FER: variants seen among roughly 807,000 people sequenced by gnomAD.
The protein encoded by FER is tyrosine-protein kinase Fer.
A neutral mutation model predicts 111.0 loss-of-function variants in FER; 63 were observed. The ratio of observed to expected loss-of-function variants is 0.57; its 90% CI spans 0.46 to 0.70. The LOEUF is 0.70. Among genes scored for constraint, FER ranks in the 30% least tolerant of loss-of-function variants. The pLI, the probability that FER is intolerant of heterozygous loss-of-function variation, is 0.00. For missense variants in FER, 914 were observed against 954.0 expected, an observed-to-expected ratio of 0.96 and a Z score of 0.55; for synonymous variants, 327 against 313.9, an observed-to-expected ratio of 1.04 and a Z score of -0.44.
chr5:108,944,581 A>G (rs1380388207), intron 10 of FER, among the ~76,000 whole-genome samples: 1 of 152,068 alleles, frequency 6.6e-6, no homozygotes, highest in African/African-American at 2.4e-5. Flanking sequence ...GTAAAAATCA[A>G]CCTGTCAATG....
At chr5:108,893,436 T>C (rs547520419) in intron 9 of FER, among the ~76,000 whole-genome samples, 1 of 152,174 alleles carries the variant, frequency 6.6e-6, no homozygotes, top group Non-Finnish European at 1.5e-5. Flanking sequence ...ACAAGTATAA[T>C]AGTTTGAGAT....
chr5:109,100,725 TAGAC>T (rs1380948875), intron 17 of FER, among the ~76,000 whole-genome samples: 1 of 151,880 alleles, frequency 6.6e-6, no homozygotes, highest in Non-Finnish European at 1.5e-5. Flanking sequence ...AGTACCTAAT[TAGAC>T]AGTCATTTGC....
chr5:109,147,881 G>A (rs1754416050), intron 17 of FER, among the ~76,000 whole-genome samples: 1 of 151,312 alleles, frequency 6.6e-6, no homozygotes, highest in Non-Finnish European at 1.5e-5. Context: ...GATATTTTTA[G>A]TTAGGTTCCA....
At chr5:108,906,761 A>AAT (rs1022385748) in intron 10 of FER, among the ~76,000 whole-genome samples, 20 of 151,840 alleles carry the variant, frequency 1.3e-4, no homozygotes, top group East Asian at 3.8e-4. Flanking sequence ...TTACTAAAAT[A>AAT]ATATATATAT....
At chr5:108,822,661 T>G (rs1312472148) in intron 3 of FER, among the ~76,000 whole-genome samples, 1 of 152,088 alleles carries the variant, frequency 6.6e-6, no homozygotes, top group Non-Finnish European at 1.5e-5. Context: ...CACCTTCCAT[T>G]AGGCCCTACC....
At chr5:109,154,077 CA>C (rs3841393) in intron 17 of FER, among the ~76,000 whole-genome samples, 9 of 148,714 alleles carry the variant, frequency 6.1e-5, no homozygotes, top group East Asian at 5.9e-4. Context: ...CATACTTACG[CA>C]AAAAAAAAAC....
At chr5:108,821,298 A>G (rs1043190139) in intron 3 of FER, among the ~76,000 whole-genome samples, 1 of 152,202 alleles carries the variant, frequency 6.6e-6, no homozygotes, top group African/African-American at 2.4e-5. Flanking sequence ...GAACATGCTT[A>G]TAAATCTGGA....
intron 13 of FER, among the ~76,000 whole-genome samples, chr5:108,977,165 T>A (rs1288634382): frequency 2.0e-5 from 3 of 152,224 alleles, no homozygotes; most frequent in Non-Finnish European, 4.4e-5. Flanking sequence ...TAGTAATGTA[T>A]GTACTACAGT....
intron 14 of FER, among the ~76,000 whole-genome samples, chr5:109,042,026 A>G (rs1396633097): frequency 2.0e-5 from 3 of 152,186 alleles, no homozygotes; most frequent in Non-Finnish European, 4.4e-5. Flanking sequence ...AAAGGAAATG[A>G]TCAAAGAATA....
intron 16 of FER, among the ~76,000 whole-genome samples, chr5:109,069,275 T>C (rs1475533973): frequency 2.6e-5 from 4 of 152,150 alleles, no homozygotes; most frequent in African/African-American, 9.7e-5. Context: ...AAATGCTTAT[T>C]TGTAATAGGC....
chr5:109,161,268 ATTAT>A (rs149525016), intron 17 of FER, among the ~76,000 whole-genome samples: 5,196 of 152,172 alleles, frequency 0.034, 140 homozygotes, highest in South Asian at 0.084. Flanking sequence ...ATCTTGAAAT[ATTAT>A]TTTAAGTTCA....
At chr5:108,964,667 T>A (rs556907506) in intron 13 of FER, among the ~76,000 whole-genome samples, 3 of 152,218 alleles carry the variant, frequency 2.0e-5, no homozygotes, top group Non-Finnish European at 4.4e-5. Context: ...TTGTATAATT[T>A]AAGAAATTCA....
chr5:109,069,026 AT>A (rs142512866), intron 16 of FER, among the ~76,000 whole-genome samples: 4,733 of 151,526 alleles, frequency 0.031, 248 homozygotes, highest in African/African-American at 0.11. Context: ...GGGGGCCTTC[AT>A]TTTTTTTTCT....
chr5:109,171,284 T>G (rs1757069633), intron 17 of FER, among the ~76,000 whole-genome samples: 1 of 152,070 alleles, frequency 6.6e-6, no homozygotes, highest in African/African-American at 2.4e-5. Context: ...ATTTCCAGGG[T>G]CCAGGAAAAT....
At chr5:109,143,677 AT>A (rs1056640627) in intron 17 of FER, among the ~76,000 whole-genome samples, 26 of 150,140 alleles carry the variant, frequency 1.7e-4, no homozygotes, top group Non-Finnish European at 3.7e-4. Flanking sequence ...TTACTTGTTT[AT>A]TTTTTGTCTT....
At chr5:109,143,723 T>TTTTGTTTTGTTTTGTTTTG (rs370029817) in intron 17 of FER, among the ~76,000 whole-genome samples, 6 of 151,386 alleles carry the variant, frequency 4.0e-5, no homozygotes, top group African/African-American at 1.5e-4. Context: ...GTTTTGTTTT[T>TTTTGTTTTGTTTTGTTTTG]TTTTGAAAGT....
At chr5:108,921,132 G>T (rs1250044370) in intron 10 of FER, among the ~76,000 whole-genome samples, 1 of 152,050 alleles carries the variant, frequency 6.6e-6, no homozygotes, top group Non-Finnish European at 1.5e-5. Flanking sequence ...GGCCCTATCA[G>T]ACCCCTGTCA....
intron 8 of FER, among the ~76,000 whole-genome samples, chr5:108,878,900 G>A (rs900285064): frequency 6.6e-6 from 1 of 152,130 alleles, no homozygotes; most frequent in Non-Finnish European, 1.5e-5. Context: ...GATATTAGTT[G>A]TTAAGGGTGT....
chr5:109,015,186 T>C (rs968989459), intron 13 of FER, among the ~76,000 whole-genome samples: 1 of 152,126 alleles, frequency 6.6e-6, no homozygotes, highest in Non-Finnish European at 1.5e-5. Flanking sequence ...GGCTTTTTTA[T>C]TAAAGCAACA....
Sources: gnomAD v4.1 joint callset for allele counts (sites outside exome capture counted in the v4.1 genomes callset) on GRCh38, gnomAD v4.1.1 for gene constraint, MANE v1.5 for transcripts, NCBI Gene and HGNC (gene_info 2026-07-23, HGNC 2026-07-21) for gene names.